PPM1L: variants seen among roughly 807,000 people sequenced by gnomAD.
PPM1L encodes protein phosphatase 1L.
In PPM1L, 13 loss-of-function variants were observed where a neutral mutation model predicts 31.4. The observed-to-expected ratio is 0.41, with a 90% CI of 0.27 to 0.66. PPM1L has a LOEUF of 0.66. Ranked by LOEUF, PPM1L falls within the 30% of genes least tolerant of loss-of-function variation. The probability of loss-of-function intolerance (pLI) is 0.29; values close to 1 mark genes in which losing one functional copy is unlikely to be tolerated. For missense variants in PPM1L, 326 were observed against 453.7 expected (o/e 0.72, Z 2.56); for synonymous variants, 184 against 175.4 (o/e 1.05, Z -0.39).
intron 1 of PPM1L, among the ~76,000 whole-genome samples, chr3:160,878,634 T>G (rs1390438476): frequency 1.3e-5 from 2 of 152,208 alleles, no homozygotes; most frequent in Non-Finnish European, 2.9e-5. Context: ...GGTTTCATCA[T>G]ATGAATTTTG....
At chr3:161,046,110 C>CAAAAAAAAAAAAAA (rs58794623) in intron 2 of PPM1L, among the ~76,000 whole-genome samples, 2 of 50,302 alleles carry the variant, frequency 4.0e-5, no homozygotes, top group Non-Finnish European at 6.2e-5. Context: ...GACTCTGTCT[C>CAAAAAAAAAAAAAA]AAAAAAAAAA....
intron 1 of PPM1L, among the ~76,000 whole-genome samples, chr3:160,908,350 C>T (rs755941585): frequency 1.3e-4 from 18 of 139,986 alleles, no homozygotes; most frequent in Admixed American, 5.0e-4. Context: ...TATGCATCCT[C>T]GTTACATTTG....
intron 3 of PPM1L, among the ~76,000 whole-genome samples, chr3:161,067,138 G>A (rs1719764048): frequency 6.6e-6 from 1 of 152,132 alleles, no homozygotes; most frequent in Non-Finnish European, 1.5e-5. Flanking sequence ...GCAAGGATGT[G>A]TACACAATAC....
At chr3:160,929,055 A>G (rs1714696031) in intron 1 of PPM1L, among the ~76,000 whole-genome samples, 1 of 152,084 alleles carries the variant, frequency 6.6e-6, no homozygotes, top group Admixed American at 6.6e-5. Flanking sequence ...GCTTTGCTTA[A>G]GGTAGCTTGT....
chr3:160,962,010 A>C lies in PPM1L; in HGVS notation c.574+100A>C, dbSNP rs1026407229. 6.1e-6 allele frequency: 5 copies of C among 819,874 alleles called. No homozygotes were observed. The African/African-American group carries it at 7.1e-5, about 12-fold the overall frequency. The allele number at this position is 819,874 out of a possible 1,614,324, so 50.8% of individuals were successfully genotyped here. On this transcript the variant is annotated intron_variant, in intron 2 of 3. Coordinates refer to ENST00000498165, the MANE Select transcript of PPM1L (RefSeq NM_139245.4). Reference sequence around the variant, plus strand: ...AAAAGGTTAAGGGCAAACTAGATTCAAAGTTATGTAACATGGACTAATAGT... The same window carrying C: ...AAAAGGTTAAGGGCAAACTAGATTCCAAGTTATGTAACATGGACTAATAGT...
chr3:161,064,247 G>C (rs911362262), intron 2 of PPM1L, among the ~76,000 whole-genome samples: 6 of 150,588 alleles, frequency 4.0e-5, no homozygotes, highest in Admixed American at 4.0e-4. Context: ...TGCACCTGTA[G>C]TCCCAGCTAC....
chr3:160,808,412 T>TGCGCGTGC (rs1320794227), intron 1 of PPM1L, among the ~76,000 whole-genome samples: 2 of 122,412 alleles, frequency 1.6e-5, no homozygotes, highest in Non-Finnish European at 3.5e-5. Context: ...TGTGTGTGTG[T>TGCGCGTGC]GTGTGTGTGT....
intron 1 of PPM1L, among the ~76,000 whole-genome samples, chr3:160,764,936 T>C (rs1209329660): frequency 6.6e-6 from 1 of 152,214 alleles, no homozygotes; most frequent in East Asian, 1.9e-4. Context: ...TTTTTGTGTT[T>C]CTACTGTACT....
In PPM1L at chr3:160,844,671, T is replaced by C. The variant is rs74364470; in HGVS notation, c.399+87964T>C. On this transcript the variant is annotated intron_variant, in intron 1 of 3. Coordinates refer to ENST00000498165, the MANE Select transcript of PPM1L (RefSeq NM_139245.4). Reference sequence around the variant, plus strand: ...TTCCTGGATTATGCTTTCAATGTCATGTCTGAGAACTGTTTGTCTAGCCCT... The same window carrying C: ...TTCCTGGATTATGCTTTCAATGTCACGTCTGAGAACTGTTTGTCTAGCCCT... Among the ~76,000 whole-genome samples the C allele has an allele frequency of 7.4e-4, 112 of 152,300 alleles. 1 individual carries two copies. In the East Asian group the frequency reaches 0.021, roughly 29 times the overall value.
intron 2 of PPM1L, among the ~76,000 whole-genome samples, chr3:161,027,956 G>T (rs1057386982): frequency 6.6e-6 from 1 of 152,190 alleles, no homozygotes; most frequent in African/African-American, 2.4e-5. Flanking sequence ...TAAATCAAAG[G>T]TTATCCTCAT....
chr3:161,000,184 C>T (rs556264779), intron 2 of PPM1L, among the ~76,000 whole-genome samples: 41 of 152,306 alleles, frequency 2.7e-4, no homozygotes, highest in Admixed American at 4.6e-4. Context: ...CATTCAAATA[C>T]ACATGTGCTT....
At position 160,970,787 on chromosome 3, in the gene PPM1L, A is replaced by ATTCTTTTTTTTTTTT. The variant is rs1360956984; in HGVS notation, c.574+8879_574+8880insCTTTTTTTTTTTTTT. ...CAAGCTGATTTTAATTTCAGTTATA[A>ATTCTTTTTTTTTTTT]TTTTTTTTTTTTTTTTTTTTTTGAG... is the stretch of plus-strand genomic sequence containing the variant. On this transcript the variant is annotated intron_variant, in intron 2 of 3. Coordinates refer to ENST00000498165, the MANE Select transcript of PPM1L (RefSeq NM_139245.4). 3.1e-4 allele frequency among the ~76,000 whole-genome samples: 30 copies of ATTCTTTTTTTTTTTT among 97,188 alleles called. 5 individuals carry two copies. The highest frequency in any genetic ancestry group is 1.1e-3 in the African/African-American group (25 of 22,376). 63.8% of individuals were successfully genotyped at this position (97,188 alleles called of 152,430 possible).
rs1206513888 is a variant in PPM1L, at chr3:160,873,117, C to A, written c.400-88619C>A. The stretch of plus-strand genomic sequence containing the variant: ...AATTTCCTTGCATATGAACAGTTAC[C>A]TTGGCATGGACTCTTTTCTTCCCAC... On this transcript the variant is annotated intron_variant, in intron 1 of 3. Transcript: ENST00000498165. Among the ~76,000 whole-genome samples, 3 of 152,148 alleles carry A rather than the reference C, an allele frequency of 2.0e-5. No homozygotes were observed. The East Asian group carries it at 5.8e-4, about 29-fold the overall frequency.
chr3:160,791,317 G>C (rs1314943636), intron 1 of PPM1L, among the ~76,000 whole-genome samples: 1 of 152,108 alleles, frequency 6.6e-6, no homozygotes, highest in Non-Finnish European at 1.5e-5. Flanking sequence ...ACCTTTCCTA[G>C]TCTCTGTTTC....
rs558374881 is a variant in PPM1L at position 161,041,494 on chromosome 3, AC to A, written c.575-23908del. 3.9e-4 allele frequency among the ~76,000 whole-genome samples: 60 copies of A among 152,284 alleles called. 1 individual carries two copies. In the South Asian group the frequency reaches 0.01, roughly 26 times the overall value. Reference sequence around the variant, plus strand: ...TATTGATGATGTTTTCTTTCTAAACACATTTTTTCACTTTGGGAGGCCAAGG... The same window carrying A: ...TATTGATGATGTTTTCTTTCTAAACAATTTTTTCACTTTGGGAGGCCAAGG... On this transcript the variant is annotated intron_variant, in intron 2 of 3. Coordinates refer to ENST00000498165, the MANE Select transcript of PPM1L (RefSeq NM_139245.4).
At chr3:160,853,668 A>AAT (rs1173117904) in intron 1 of PPM1L, among the ~76,000 whole-genome samples, 1 of 148,922 alleles carries the variant, frequency 6.7e-6, no homozygotes, top group Non-Finnish European at 1.5e-5. Flanking sequence ...GGTTATACTG[A>AAT]ATGAGTGTTG....
At chr3:160,782,080 C>A (rs980889865) in intron 1 of PPM1L, among the ~76,000 whole-genome samples, 2 of 152,050 alleles carry the variant, frequency 1.3e-5, no homozygotes, top group African/African-American at 4.8e-5. Flanking sequence ...GGCTTTATAG[C>A]CATTACCACT....
At chr3:160,790,235 T>C (rs1439204972) in intron 1 of PPM1L, among the ~76,000 whole-genome samples, 5 of 152,146 alleles carry the variant, frequency 3.3e-5, no homozygotes, top group Admixed American at 3.3e-4. Flanking sequence ...TTGATGATAT[T>C]ACGCTGATAA....
chr3:160,777,261 C>T (rs867853368), intron 1 of PPM1L, among the ~76,000 whole-genome samples: 1 of 152,042 alleles, frequency 6.6e-6, no homozygotes, highest in Non-Finnish European at 1.5e-5. Flanking sequence ...TTTGACGTTG[C>T]AGTGAGCCAT....
Sources: gnomAD v4.1 joint callset for allele counts (sites outside exome capture counted in the v4.1 genomes callset) on GRCh38, gnomAD v4.1.1 for gene constraint, MANE v1.5 for transcripts, NCBI Gene and HGNC (gene_info 2026-07-23, HGNC 2026-07-21) for gene names.